Variants in NARS2 observed in about 807,000 individuals in gnomAD.
NARS2 encodes asparaginyl-tRNA synthetase.
In NARS2, 60 loss-of-function variants were observed where a neutral mutation model predicts 62.9. The ratio of observed to expected loss-of-function variants is 0.95; its 90% confidence interval spans 0.77 to 1.18. The LOEUF (loss-of-function observed/expected upper bound fraction) is 1.18. Among genes scored for constraint, NARS2 ranks in the 50% most tolerant of loss-of-function variants. The probability of loss-of-function intolerance (pLI) is 0.00; values close to 1 mark genes in which losing one functional copy is unlikely to be tolerated. For synonymous variants in NARS2, 196 were observed against 200.0 expected (o/e 0.98, Z 0.17); for missense variants, 619 against 576.4 (o/e 1.07, Z -0.76).
intron 6 of NARS2, among the ~76,000 whole-genome samples, chr11:78,508,850 G>A (rs1860606130): frequency 1.3e-5 from 2 of 151,994 alleles, no homozygotes; most frequent in African/African-American, 4.8e-5. Flanking sequence ...AACAGGCCAG[G>A]CACAGTGCAA....
At chr11:78,525,890 A>G (rs1861277531) in intron 6 of NARS2, among the ~76,000 whole-genome samples, 3 of 152,174 alleles carry the variant, frequency 2.0e-5, no homozygotes, top group Non-Finnish European at 4.4e-5. Context: ...ATTCTTTCAA[A>G]ATACCCAAAT....
At chr11:78,449,926 G>A (rs889399267) in intron 11 of NARS2, among the ~76,000 whole-genome samples, 9 of 152,186 alleles carry the variant, frequency 5.9e-5, no homozygotes, top group Non-Finnish European at 1.3e-4. Flanking sequence ...GTCCACCCTG[G>A]TCTAAAACTG....
rs1474300922 is a variant in NARS2 at position 78,469,305 on chromosome 11, T to C, written c.968A>G (p.Tyr323Cys). The part of the protein sequence containing the change: ...MLKNNFLIIS[Y>C]TEAVEILKQA... Reference sequence around the variant, plus strand: ...CTTTAAGATCTCCACTGCTTCAGTATAAGAAATGCTGGAGGAAAACAGGAT... The same window carrying C: ...CTTTAAGATCTCCACTGCTTCAGTACAAGAAATGCTGGAGGAAAACAGGAT... Residue 323 changes from tyrosine to cysteine, a missense_variant, in exon 10 of 14, where the codon TAT becomes TGT. Physicochemically the swap from Tyr to Cys is radical, Grantham distance 194. Transcript: ENST00000281038. The C allele has an allele frequency of 1.9e-6, 3 of 1,612,882 alleles. No homozygotes were observed. In the Admixed American group the frequency reaches 5.0e-5, roughly 27 times the overall value.
At chr11:78,463,797 C>T (rs1272431002) in intron 11 of NARS2, among the ~76,000 whole-genome samples, 3 of 147,862 alleles carry the variant, frequency 2.0e-5, no homozygotes, top group East Asian at 2.0e-4. Flanking sequence ...AGAGAAGAGA[C>T]GGTCAGACAA....
In NARS2 at chr11:78,468,311, A is replaced by G. The variant is rs113977465; in HGVS notation, c.1026+936T>C. On this transcript the variant is annotated intron_variant, in intron 10 of 13. Coordinates refer to ENST00000281038, the MANE Select transcript of NARS2 (RefSeq NM_024678.6). ...CCTGCTTCTGCAAGCACTAAATCTG[A>G]AAAAAAAAAAAAAAAAAGAAAAAAA... Among the ~76,000 whole-genome samples, 624 of 77,310 alleles carry G rather than the reference A, an allele frequency of 8.1e-3. 1 individual carries two copies. Among genetic ancestry groups the G allele is most frequent in the East Asian group, 0.026 (48 of 1,814 alleles). 50.7% of individuals were successfully genotyped at this position (77,310 alleles called of 152,430 possible).
chr11:78,543,822 A>G (rs1165630687), intron 5 of NARS2, among the ~76,000 whole-genome samples: 1 of 152,004 alleles, frequency 6.6e-6, no homozygotes, highest in Admixed American at 6.6e-5. Flanking sequence ...CACGAGGTCA[A>G]GAGATTGAGA....
At chr11:78,558,599 G>A (rs1234850432) in intron 5 of NARS2, 1 of 152,168 alleles carries the variant, frequency 6.6e-6, no homozygotes, top group Admixed American at 6.5e-5. Flanking sequence ...ACCGGCTAAT[G>A]ATTTTAAATA....
chr11:78,550,448 G>T (rs1275862365), intron 5 of NARS2, among the ~76,000 whole-genome samples: 2 of 152,116 alleles, frequency 1.3e-5, no homozygotes, highest in Non-Finnish European at 2.9e-5. Context: ...TTTACAGAAT[G>T]AAGCGTTAGC....
At position 78,508,491 on chromosome 11, in the gene NARS2, A is replaced by G. The variant is rs746411523; in HGVS notation, c.690-15296T>C. On this transcript the variant is annotated intron_variant, in intron 6 of 13. Transcript: ENST00000281038. ...GCAATCCCAGCTACTCAAGAGGCTA[A>G]GGCAGGAGAATCACTTGAACCCAAG... Among the ~76,000 whole-genome samples the G allele has an allele frequency of 2.0e-5, 3 of 152,134 alleles. No individual in the cohort carries two copies. The South Asian group carries it at 6.2e-4, about 32-fold the overall frequency.
At chr11:78,505,385 G>A (rs1193827102) in intron 6 of NARS2, among the ~76,000 whole-genome samples, 2 of 150,610 alleles carry the variant, frequency 1.3e-5, no homozygotes, top group African/African-American at 4.9e-5. Flanking sequence ...CATAATAAGG[G>A]TACTTTAAGA....
chr11:78,445,842 C>T (rs1057081641), intron 11 of NARS2, among the ~76,000 whole-genome samples: 7 of 152,024 alleles, frequency 4.6e-5, no homozygotes, highest in Admixed American at 4.6e-4. Flanking sequence ...TGCCTGTGGT[C>T]CCGGCTACTT....
intron 4 of NARS2, among the ~76,000 whole-genome samples, chr11:78,565,134 A>G (rs925865094): frequency 2.6e-5 from 4 of 152,196 alleles, no homozygotes; most frequent in Non-Finnish European, 5.9e-5. Context: ...CACCTTAGCA[A>G]CTTGTCAACC....
At chr11:78,444,722 C>CAAAAAAAA (rs1857693201) in intron 11 of NARS2, among the ~76,000 whole-genome samples, 2 of 104,574 alleles carry the variant, frequency 1.9e-5, no homozygotes, top group African/African-American at 5.7e-5. Context: ...CTGTCTCAAA[C>CAAAAAAAA]AAAACAAAAA....
At chr11:78,572,874 G>A (rs1430005205) in intron 1 of NARS2, among the ~76,000 whole-genome samples, 2 of 152,022 alleles carry the variant, frequency 1.3e-5, no homozygotes, top group African/African-American at 2.4e-5. Context: ...CTTCAAAATT[G>A]GTATGTATTT....
chr11:78,522,811 G>A (rs1861178177), intron 6 of NARS2, among the ~76,000 whole-genome samples: 1 of 152,124 alleles, frequency 6.6e-6, no homozygotes, highest in African/African-American at 2.4e-5. Flanking sequence ...ATAAGTTAGA[G>A]CCTATTAAAG....
chr11:78,511,713 T>A (rs1426036851), intron 6 of NARS2, among the ~76,000 whole-genome samples: 3 of 108,538 alleles, frequency 2.8e-5, no homozygotes, highest in Non-Finnish European at 6.4e-5. Context: ...CGAGACTCCG[T>A]CTCCAAAGAA....
At chr11:78,505,454 G>GTT (rs969856149) in intron 6 of NARS2, among the ~76,000 whole-genome samples, 3 of 145,234 alleles carry the variant, frequency 2.1e-5, no homozygotes. Flanking sequence ...TTCTGATGGA[G>GTT]TTTTTTTTTT....
intron 4 of NARS2, among the ~76,000 whole-genome samples, chr11:78,561,210 A>G (rs1856545870): frequency 6.6e-6 from 1 of 152,244 alleles, no homozygotes; most frequent in African/African-American, 2.4e-5. Flanking sequence ...AAGGCTTATC[A>G]AAGTTCCTAA....
At chr11:78,460,566 G>C (rs1259188508) in intron 11 of NARS2, among the ~76,000 whole-genome samples, 1 of 152,162 alleles carries the variant, frequency 6.6e-6, no homozygotes, top group Non-Finnish European at 1.5e-5. Flanking sequence ...GGATGTGAGA[G>C]ATATTTAGGA....
Sources: allele counts gnomAD v4.1 joint callset (sites outside exome capture counted in the v4.1 genomes callset), GRCh38; gene constraint gnomAD v4.1.1; transcripts MANE v1.5; gene names NCBI Gene and HGNC (gene_info 2026-07-23, HGNC 2026-07-21).